OR9A4: variants seen among roughly 807,000 people sequenced by gnomAD.
OR9A4 encodes the protein olfactory receptor family 9 subfamily A member 4, also known as olfactory receptor 9A4.
A neutral mutation model predicts 17.1 loss-of-function variants in OR9A4; 16 were observed. The ratio of observed to expected loss-of-function variants is 0.94; its 90% confidence interval spans 0.64 to 1.43. The LOEUF (loss-of-function observed/expected upper bound fraction) is 1.43, where lower values mean the gene tolerates loss of function less well. Among genes scored for constraint, OR9A4 ranks in the 40% most tolerant of loss-of-function variants. The pLI, the probability that OR9A4 is intolerant of heterozygous loss-of-function variation, is 0.00. For missense variants in OR9A4, 392 were observed against 382.1 expected, an observed-to-expected ratio of 1.03 and a Z score of -0.22; for synonymous variants, 167 against 143.3, an observed-to-expected ratio of 1.17 and a Z score of -1.18.
In OR9A4 at chr7:141,920,116, ACTAT is replaced by A. The variant is rs1340524544; in HGVS notation, c.*301_*304del. On this transcript the variant is annotated 3_prime_UTR_variant, in exon 2 of 2. Coordinates refer to ENST00000641559, the MANE Select transcript of OR9A4 (RefSeq NM_001001656.3). Reference sequence around the variant, plus strand: ...TTGAAAAATTAAATGTCAGAGATAGACTATCTATATAGTCTAGAAAATAGACTAG... The same window carrying A: ...TTGAAAAATTAAATGTCAGAGATAGACTATATAGTCTAGAAAATAGACTAG... The A allele has an allele frequency of 1.0e-5, 3 of 291,216 alleles. No homozygotes were observed. The highest frequency in any genetic ancestry group is 1.3e-5 in the Non-Finnish European group (2 of 154,960). 18.0% of individuals were successfully genotyped at this position (291,216 alleles called of 1,614,324 possible). A position where few individuals can be genotyped will look rare whatever the true frequency, so the allele number is the denominator to read the frequency against.
At position 141,919,277 on chromosome 7, in the gene OR9A4, CATT is replaced by C. The variant is rs782175124; in HGVS notation, c.405_407del (p.Ile135del). The C allele has an allele frequency of 6.2e-7, 1 of 1,614,142 alleles. No individual in the cohort carries two copies. The highest frequency in any genetic ancestry group is 8.5e-7 in the Non-Finnish European group (1 of 1,180,034). Reference sequence around the variant, plus strand: ...TCTGTAACCCTCTGAGGTACAACATCATTATGAACAGACACACCTGCAACTTTG... The same window carrying C: ...TCTGTAACCCTCTGAGGTACAACATCATGAACAGACACACCTGCAACTTTG... On this transcript the variant is annotated inframe_deletion, in exon 2 of 2. Coordinates refer to ENST00000641559, the MANE Select transcript of OR9A4 (RefSeq NM_001001656.3).
At position 141,919,330 on chromosome 7, in the gene OR9A4, G is replaced by T. The variant is rs1554439076; in HGVS notation, c.455G>T (p.Gly152Val). 6.2e-7 allele frequency: 1 copy of T among 1,614,042 alleles called. No homozygotes were observed. Among genetic ancestry groups the T allele is most frequent in the South Asian group, 1.1e-5 (1 of 91,064 alleles). The change falls in exon 2 of 2, where the codon GGG becomes GTG. Residue 152 changes from glycine (G) to valine (V), a missense_variant. Gly to Val is a moderately radical substitution (Grantham distance 109, BLOSUM62 -3). Transcript: ENST00000641559. ...NFVVLVSWVF[G>V]FLFQIWPVYV... ...GTGGTTCTTGTGTCATGGGTGTTTG[G>T]GTTTCTTTTTCAAATCTGGCCGGTC...
Position 141,919,317 on chromosome 7 carries a change from T to G in OR9A4, c.442T>G (p.Ser148Ala). The change falls in exon 2 of 2, where the codon TCA becomes GCA. Residue 148 changes from serine to alanine, a missense_variant. Coordinates refer to ENST00000641559, the MANE Select transcript of OR9A4 (RefSeq NM_001001656.3). ...RHTCNFVVLV[S>A]WVFGFLFQIW... ...CACCTGCAACTTTGTGGTTCTTGTG[T>G]CATGGGTGTTTGGGTTTCTTTTTCA... 1.2e-6 allele frequency: 2 copies of G among 1,614,200 alleles called. No individual in the cohort carries two copies. Among genetic ancestry groups the G allele is most frequent in the Non-Finnish European group, 1.7e-6 (2 of 1,180,042 alleles).
intron 1 of OR9A4, 128 bp from the exon 2 acceptor site, chr7:141,918,715 ACAT>A (rs1802224589): frequency 1.7e-6 from 1 of 590,576 alleles, no homozygotes; most frequent in African/African-American, 1.9e-5. Context: ...GAAGTATTTG[ACAT>A]CAACATCGTG....
intron 1 of OR9A4, among the ~76,000 whole-genome samples, chr7:141,917,060 T>A (rs1205276727): frequency 6.6e-6 from 1 of 152,206 alleles, no homozygotes; most frequent in Non-Finnish European, 1.5e-5. Flanking sequence ...TTCATTGATA[T>A]ATTCATTTAA....
rs782743378 is a variant in OR9A4 at position 141,919,702 on chromosome 7, T to C, written c.827T>C (p.Leu276Pro). 6.2e-6 allele frequency: 10 copies of C among 1,614,186 alleles called. No individual in the cohort carries two copies. Among genetic ancestry groups the C allele is most frequent in the Non-Finnish European group, 8.5e-6 (10 of 1,180,038 alleles). Residue 276 changes from leucine to proline, a missense_variant, in exon 2 of 2, where the codon CTG becomes CCG. Transcript: ENST00000641559. ...GCTGATTACAATTGGGTAGTTTCCC[T>C]GATGGTTTCAGTAGTAACTCCTTTC... ...QAADYNWVVS[L>P]MVSVVTPFLN...
rs2128958882 is a variant in OR9A4, at chr7:141,920,101, A to C, written c.*281A>C. 9.3e-6 allele frequency: 3 copies of C among 324,200 alleles called. No individual in the cohort carries two copies. In the South Asian group the frequency reaches 1.7e-4, roughly 19 times the overall value. 20.1% of individuals were successfully genotyped at this position (324,200 alleles called of 1,614,324 possible). Reference sequence around the variant, plus strand: ...TTTCACAATTAAACTTTGAAAAATTAAATGTCAGAGATAGACTATCTATAT... The same window carrying C: ...TTTCACAATTAAACTTTGAAAAATTCAATGTCAGAGATAGACTATCTATAT... On this transcript the variant is annotated 3_prime_UTR_variant, in exon 2 of 2. Transcript: ENST00000641559.
At position 141,919,419 on chromosome 7, in the gene OR9A4, G is replaced by C. The variant is rs529433570; in HGVS notation, c.544G>C (p.Gly182Arg). The C allele has an allele frequency of 1.9e-6, 3 of 1,614,004 alleles. No homozygotes were observed. Among genetic ancestry groups the C allele is most frequent in the Non-Finnish European group, 2.5e-6 (3 of 1,179,988 alleles). The change falls in exon 2 of 2, where the codon GGG becomes CGG. Residue 182 changes from glycine (G) to arginine (R), a missense_variant. Coordinates refer to ENST00000641559, the MANE Select transcript of OR9A4 (RefSeq NM_001001656.3). The stretch of plus-strand genomic sequence containing the variant: ...GGTGAACAATTTTTTTTGTGACCGA[G>C]GGCAATTGCTCAAACTATCCTGCAA... ...NVVNNFFCDR[G>R]QLLKLSCNNT... is the part of the protein sequence containing the mutation.
chr7:141,918,071 T>G (rs1037048903), intron 1 of OR9A4, among the ~76,000 whole-genome samples: 31 of 152,194 alleles, frequency 2.0e-4, no homozygotes, highest in African/African-American at 6.5e-4. Context: ...AAATGGAGCC[T>G]GTGTTTAGAG....
Position 141,919,708 on chromosome 7 carries a change from T to C in OR9A4, c.833T>C (p.Val278Ala). The C allele has an allele frequency of 6.2e-7, 1 of 1,614,092 alleles. No homozygotes were observed. The highest frequency in any genetic ancestry group is 1.1e-5 in the South Asian group (1 of 91,078). Residue 278 changes from valine to alanine, a missense_variant, in exon 2 of 2, where the codon GTT (valine) becomes GCT (alanine). Physicochemically the swap from Val to Ala is moderately conservative, Grantham distance 64. Coordinates refer to ENST00000641559, the MANE Select transcript of OR9A4 (RefSeq NM_001001656.3). ...TACAATTGGGTAGTTTCCCTGATGG[T>C]TTCAGTAGTAACTCCTTTCCTCAAT... ...ADYNWVVSLM[V>A]SVVTPFLNPF... is the part of the protein sequence containing the mutation.
At position 141,919,708 on chromosome 7, in the gene OR9A4, T is replaced by G. The variant is rs1554439156; in HGVS notation, c.833T>G (p.Val278Gly). 6.2e-7 allele frequency: 1 copy of G among 1,614,092 alleles called. No homozygotes were observed. The highest frequency in any genetic ancestry group is 8.5e-7 in the Non-Finnish European group (1 of 1,180,018). Residue 278 changes from valine to glycine, a missense_variant, in exon 2 of 2, where the codon GTT becomes GGT. Physicochemically the swap from Val to Gly is moderately radical, Grantham distance 109. Transcript: ENST00000641559. ...TACAATTGGGTAGTTTCCCTGATGG[T>G]TTCAGTAGTAACTCCTTTCCTCAAT... ...ADYNWVVSLMVSVVTPFLNPF... is the reference protein window; with the variant it reads ...ADYNWVVSLMGSVVTPFLNPF...
chr7:141,919,561 C>A lies in OR9A4; in HGVS notation c.686C>A (p.Pro229Gln). 1 of 1,614,168 alleles carries A rather than the reference C, an allele frequency of 6.2e-7. No homozygotes were observed. The highest frequency in any genetic ancestry group is 8.5e-7 in the Non-Finnish European group (1 of 1,180,034). The change falls in exon 2 of 2, where the codon CCG becomes CAG. Residue 229 changes from proline to glutamine, a missense_variant. Transcript: ENST00000641559. The part of the protein sequence containing the change: ...AYIISTILKI[P>Q]SSSGRRKSFS... ...ATCATCTCCACCATTCTCAAGATCC[C>A]GTCATCCTCTGGCCGGAGGAAATCC...
At position 141,919,240 on chromosome 7, in the gene OR9A4, G is replaced by C; in HGVS notation, c.365G>C (p.Arg122Pro). The C allele has an allele frequency of 6.2e-7, 1 of 1,614,118 alleles. No homozygotes were observed. The highest frequency in any genetic ancestry group is 8.5e-7 in the Non-Finnish European group (1 of 1,180,028). ...TTACTTGGAGCAATGGCTGTGGACC[G>C]TTATGTGGCTGTCTGTAACCCTCTG... ...FALLGAMAVD[R>P]YVAVCNPLRY... The change falls in exon 2 of 2, where the codon CGT (arginine) becomes CCT (proline). Residue 122 changes from arginine to proline, a missense_variant. Arg to Pro is a moderately radical substitution (Grantham distance 103). Coordinates refer to ENST00000641559, the MANE Select transcript of OR9A4 (RefSeq NM_001001656.3).
intron 1 of OR9A4, among the ~76,000 whole-genome samples, chr7:141,918,097 A>G (rs1802214610): frequency 6.6e-6 from 1 of 152,242 alleles, no homozygotes; most frequent in South Asian, 2.1e-4. Flanking sequence ...AGAAGAAAAA[A>G]GTAACCATGC....
At position 141,919,731 on chromosome 7, in the gene OR9A4, A is replaced by G. The variant is rs1423948863; in HGVS notation, c.856A>G (p.Asn286Asp). 4 of 1,614,146 alleles carry G rather than the reference A, an allele frequency of 2.5e-6. No individual in the cohort carries two copies. Among genetic ancestry groups the G allele is most frequent in the Non-Finnish European group, 3.4e-6 (4 of 1,180,028 alleles). ...GGTTTCAGTAGTAACTCCTTTCCTCAATCCTTTCATCTTCACCCTCCGGAA... is the reference window on the plus strand; with the variant it reads ...GGTTTCAGTAGTAACTCCTTTCCTCGATCCTTTCATCTTCACCCTCCGGAA... ...LMVSVVTPFL[N>D]PFIFTLRNDK... Residue 286 changes from asparagine to aspartate, a missense_variant, in exon 2 of 2, where the codon AAT becomes GAT. Physicochemically the swap from Asn to Asp is conservative, Grantham distance 23 (BLOSUM62 1). Transcript: ENST00000641559.
At position 141,919,068 on chromosome 7, in the gene OR9A4, C is replaced by G. The variant is rs782224162; in HGVS notation, c.193C>G (p.Leu65Val). ...QSPMYFFLGH[L>V]SALEILVTTI... ...CCCCATGTATTTCTTCCTCGGCCAC[C>G]TCTCTGCCCTGGAGATCCTGGTCAC... Residue 65 changes from leucine to valine, a missense_variant, in exon 2 of 2, where the codon CTC becomes GTC. Coordinates refer to ENST00000641559, the MANE Select transcript of OR9A4 (RefSeq NM_001001656.3). 1.4e-5 allele frequency: 22 copies of G among 1,614,112 alleles called. No individual in the cohort carries two copies. The highest frequency in any genetic ancestry group is 3.3e-4 in the Middle Eastern group (2 of 6,054).
chr7:141,917,119 TG>T (rs1554438835), intron 1 of OR9A4, among the ~76,000 whole-genome samples: 1 of 152,180 alleles, frequency 6.6e-6, no homozygotes, highest in African/African-American at 2.4e-5. Flanking sequence ...TTCTTGGCAC[TG>T]GTAATACAAG....
rs782040646 is a variant in OR9A4 at position 141,919,547 on chromosome 7, C to A, written c.672C>A (p.Thr224=). The A allele has an allele frequency of 1.1e-5, 17 of 1,614,062 alleles. No individual in the cohort carries two copies. In the Admixed American group the frequency reaches 2.7e-4, roughly 25 times the overall value. The part of the protein sequence containing the change: ...TIVSNAYIIS[T]ILKIPSSSGR... ...TCTCCAACGCCTACATCATCTCCAC[C>A]ATTCTCAAGATCCCGTCATCCTCTG... The change falls in exon 2 of 2, where the codon ACC becomes ACA. Residue 224 remains threonine (T), a synonymous_variant. Transcript: ENST00000641559.
At position 141,920,508 on chromosome 7, in the gene OR9A4, G is replaced by C. The variant is rs1277866336; in HGVS notation, c.*688G>C. ...CAGGCATAGTGAGTAATAAGTGAGAGATCCTAGGGAAGGCATAACAAAGAT... is the reference window on the plus strand; with the variant it reads ...CAGGCATAGTGAGTAATAAGTGAGACATCCTAGGGAAGGCATAACAAAGAT... On this transcript the variant is annotated 3_prime_UTR_variant, in exon 2 of 2. Transcript: ENST00000641559. 1 of 152,086 alleles carries C rather than the reference G, an allele frequency of 6.6e-6. No individual in the cohort carries two copies. The highest frequency in any genetic ancestry group is 2.4e-5 in the African/African-American group (1 of 41,352). The allele number at this position is 152,086 out of a possible 1,614,324, so 9.4% of individuals were successfully genotyped here.
Sources: gnomAD v4.1 joint callset for allele counts (sites outside exome capture counted in the v4.1 genomes callset) on GRCh38, gnomAD v4.1.1 for gene constraint, MANE v1.5 for transcripts, NCBI Gene and HGNC (gene_info 2026-07-23, HGNC 2026-07-21) for gene names.